Variants in PRDM16 observed in about 807,000 individuals in gnomAD.
PRDM16 encodes the protein PR/SET domain 16, also known as histone-lysine N-methyltransferase PRDM16.
In PRDM16, 23 loss-of-function variants were observed where a neutral mutation model predicts 110.6. The ratio of observed to expected loss-of-function variants is 0.21; its 90% CI spans 0.15 to 0.29. PRDM16 has a LOEUF of 0.29. Among genes scored for constraint, PRDM16 ranks in the 10% least tolerant of loss-of-function variants. The pLI is 1.00. For synonymous variants in PRDM16, 799 were observed against 781.8 expected (o/e 1.02, Z -0.37); for missense variants, 1,615 against 1,794.3 (o/e 0.90, Z 1.81).
At chr1:3,271,833 A>G (rs1359389079) in intron 3 of PRDM16, among the ~76,000 whole-genome samples, 2 of 152,174 alleles carry the variant, frequency 1.3e-5, no homozygotes, top group African/African-American at 4.8e-5. Context: ...AGTCCTGGGC[A>G]CAGGGCTCCC....
intron 3 of PRDM16, among the ~76,000 whole-genome samples, chr1:3,302,224 T>A (rs1391789574): frequency 6.6e-6 from 1 of 152,184 alleles, no homozygotes; most frequent in African/African-American, 2.4e-5. Context: ...CACAGGCGTC[T>A]CCGAGATTTC....
intron 1 of PRDM16, among the ~76,000 whole-genome samples, chr1:3,177,186 T>C (rs2817131): frequency 0.77 from 117,729 of 152,094 alleles, 47,071 homozygotes; most frequent in Non-Finnish European, 0.86. Context: ...TTCACCCATC[T>C]ATCAATCTTT....
intron 3 of PRDM16, among the ~76,000 whole-genome samples, chr1:3,283,292 G>A (rs1382746463): frequency 2.6e-5 from 4 of 152,188 alleles, no homozygotes; most frequent in African/African-American, 4.8e-5. Flanking sequence ...CCTTGGCCAG[G>A]GCCCGGGGTG....
intron 1 of PRDM16, among the ~76,000 whole-genome samples, chr1:3,112,851 T>C (rs1642828388): frequency 6.6e-6 from 1 of 152,254 alleles, no homozygotes; most frequent in Non-Finnish European, 1.5e-5. Flanking sequence ...AGGGCCCGCC[T>C]GGGCTCCAGC....
chr1:3,270,746 ACAGT>A (rs1400881827), intron 3 of PRDM16, among the ~76,000 whole-genome samples: 7 of 148,804 alleles, frequency 4.7e-5, no homozygotes, highest in Admixed American at 2.0e-4. Context: ...CCAAAGGATG[ACAGT>A]CAGGAGGAGG....
In PRDM16 at chr1:3,412,085, G is replaced by A. The variant is rs773945570; in HGVS notation, c.1888G>A (p.Asp630Asn). Residue 630 changes from aspartate (D) to asparagine (N), a missense_variant, in exon 9 of 17, where the codon GAC (aspartate) becomes AAC (asparagine). Asp to Asn is a conservative substitution (Grantham distance 23). Transcript: ENST00000270722. ...GGGCTCGGACCTGGACAGCGACGTGGACAGCGACCCTGACAAGGACAAGGG... is the reference window on the plus strand; with the variant it reads ...GGGCTCGGACCTGGACAGCGACGTGAACAGCGACCCTGACAAGGACAAGGG... ...GTGSDLDSDVDSDPDKDKGKG... is the reference protein window; with the variant it reads ...GTGSDLDSDVNSDPDKDKGKG... 6.3e-7 allele frequency: 1 copy of A among 1,593,996 alleles called. No homozygotes were observed. Among genetic ancestry groups the A allele is most frequent in the South Asian group, 1.1e-5 (1 of 88,818 alleles).
At chr1:3,323,400 A>G (rs1161641889) in intron 3 of PRDM16, among the ~76,000 whole-genome samples, 1 of 152,242 alleles carries the variant, frequency 6.6e-6, no homozygotes, top group African/African-American at 2.4e-5. Flanking sequence ...GTGTGCCGCC[A>G]GAAGCGATGA....
At chr1:3,140,558 G>A (rs756644503) in intron 1 of PRDM16, among the ~76,000 whole-genome samples, 6 of 152,190 alleles carry the variant, frequency 3.9e-5, no homozygotes, top group South Asian at 4.1e-4. Context: ...TTAAAACCAC[G>A]TTGGCTCTCT....
At chr1:3,248,395 C>T (rs1016903174) in intron 3 of PRDM16, among the ~76,000 whole-genome samples, 9 of 152,126 alleles carry the variant, frequency 5.9e-5, no homozygotes, top group African/African-American at 2.2e-4. Context: ...AGGAAGTGAC[C>T]TTTTCTCTTA....
chr1:3,247,896 C>T (rs1257924658), intron 3 of PRDM16, among the ~76,000 whole-genome samples: 2 of 152,230 alleles, frequency 1.3e-5, no homozygotes, highest in African/African-American at 2.4e-5. Context: ...TCTATTTAGT[C>T]TCTGTTTACT....
At chr1:3,360,044 CT>C in intron 3 of PRDM16, among the ~76,000 whole-genome samples, 1 of 141,062 alleles carries the variant, frequency 7.1e-6, no homozygotes, top group Admixed American at 6.7e-5. Context: ...GCCGCCATCC[CT>C]TGTCCCCAAC....
intron 1 of PRDM16, among the ~76,000 whole-genome samples, chr1:3,122,670 A>G (rs912099044): frequency 3.3e-5 from 5 of 152,140 alleles, no homozygotes; most frequent in South Asian, 2.1e-4. Flanking sequence ...CCTTCCAGAC[A>G]TTCCCCCCCT....
Position 3,405,640 on chromosome 1 carries a change from C to A in PRDM16, c.1178C>A (p.Pro393His). ...AAGCATATCCACAGCACGGTGAAGC[C>A]TTTCATATGTGAGTGGTCGCCCAGC... ...QHKHIHSTVKPFICEVCHKSY... is the reference protein window; with the variant it reads ...QHKHIHSTVKHFICEVCHKSY... Residue 393 changes from proline (P) to histidine (H), a missense_variant, in exon 8 of 17, where the codon CCT (proline) becomes CAT (histidine). Coordinates refer to ENST00000270722, the MANE Select transcript of PRDM16 (RefSeq NM_022114.4). 6.3e-7 allele frequency: 1 copy of A among 1,585,058 alleles called. No individual in the cohort carries two copies. Among genetic ancestry groups the A allele is most frequent in the Non-Finnish European group, 8.6e-7 (1 of 1,165,740 alleles).
At chr1:3,248,801 C>T (rs1217971914) in intron 3 of PRDM16, among the ~76,000 whole-genome samples, 1 of 152,230 alleles carries the variant, frequency 6.6e-6, no homozygotes, top group African/African-American at 2.4e-5. Context: ...AGAACCATGG[C>T]CTGTCCCACT....
chr1:3,226,354 C>T (rs1639288765), intron 2 of PRDM16, among the ~76,000 whole-genome samples: 1 of 152,210 alleles, frequency 6.6e-6, no homozygotes, highest in African/African-American at 2.4e-5. Context: ...TCATTTGGTC[C>T]TGAATTCGGG....
At chr1:3,089,857 C>T (rs920693518) in intron 1 of PRDM16, among the ~76,000 whole-genome samples, 3 of 152,186 alleles carry the variant, frequency 2.0e-5, no homozygotes, top group Non-Finnish European at 2.9e-5. Flanking sequence ...TCCGGCCGAC[C>T]GACACCAGCT....
At chr1:3,203,976 C>T (rs1638691384) in intron 2 of PRDM16, among the ~76,000 whole-genome samples, 1 of 152,178 alleles carries the variant, frequency 6.6e-6, no homozygotes, top group South Asian at 2.1e-4. Flanking sequence ...ATGCTGGCAC[C>T]TGAGACCTCC....
At chr1:3,200,019 C>T (rs966191669) in intron 2 of PRDM16, among the ~76,000 whole-genome samples, 2 of 152,264 alleles carry the variant, frequency 1.3e-5, no homozygotes, top group African/African-American at 4.8e-5. Flanking sequence ...GACCTCACTT[C>T]CTCCTGGTGC....
intron 3 of PRDM16, among the ~76,000 whole-genome samples, chr1:3,270,517 G>T (rs1303248815): frequency 6.6e-6 from 1 of 150,656 alleles, no homozygotes; most frequent in Non-Finnish European, 1.5e-5. Flanking sequence ...CCCGGGGGAG[G>T]ACAATCAGGC....
Sources: gnomAD v4.1 joint callset for allele counts (sites outside exome capture counted in the v4.1 genomes callset) on GRCh38, gnomAD v4.1.1 for gene constraint, MANE v1.5 for transcripts, NCBI Gene and HGNC (gene_info 2026-07-23, HGNC 2026-07-21) for gene names.